DCAF8L2: variants seen among roughly 807,000 people sequenced by gnomAD.
The protein encoded by DCAF8L2 is DDB1- and CUL4-associated factor 8-like protein 2.
For synonymous variants in DCAF8L2, 200 were observed against 190.9 expected (o/e 1.05, Z -0.39); for missense variants, 430 against 490.7 (o/e 0.88, Z 1.17).
At chrX:27,564,602 T>C in the DCAF8L2 span, among the ~76,000 whole-genome samples, 1 of 110,222 alleles carries the variant, frequency 9.1e-6, no homozygotes, top group African/African-American at 3.3e-5. Flanking sequence ...GGGAGTCTAT[T>C]TGAATAGACC....
chrX:27,587,985 A>AAAAAAAAAATATAT, upstream of DCAF8L2, among the ~76,000 whole-genome samples: 5 of 22,369 alleles, frequency 2.2e-4, no homozygotes, highest in African/African-American at 4.9e-4. Context: ...TAAAAAAAAA[A>AAAAAAAAAATATAT]ATATATATAT....
the DCAF8L2 span, among the ~76,000 whole-genome samples, chrX:27,482,766 G>A: frequency 9.0e-5 from 9 of 100,181 alleles, no homozygotes; most frequent in East Asian, 2.8e-4. Flanking sequence ...ATAAATTCAC[G>A]TCATTTTCAC....
the DCAF8L2 span, chrX:27,518,208 C>T: frequency 1.1e-6 from 1 of 895,894 alleles, no homozygotes; most frequent in Non-Finnish European, 1.6e-6. Flanking sequence ...CCTATGCTGT[C>T]CAAGCCAAGT....
chrX:27,544,311 G>A, the DCAF8L2 span, among the ~76,000 whole-genome samples: 10 of 111,690 alleles, frequency 9.0e-5, no homozygotes, highest in Middle Eastern at 4.3e-3. Flanking sequence ...CTTATATTTT[G>A]TATGACTCTG....
chrX:27,700,032 G>A (rs1286599921), intron 3 of DCAF8L2, among the ~76,000 whole-genome samples: 1 of 109,889 alleles, frequency 9.1e-6, no homozygotes, highest in African/African-American at 3.3e-5. Context: ...GTCCAAAAAA[G>A]AAAAGAAAAG....
intron 1 of DCAF8L2, among the ~76,000 whole-genome samples, chrX:27,609,429 T>TA (rs1427824739): frequency 9.0e-6 from 1 of 111,642 alleles, no homozygotes; most frequent in African/African-American, 3.3e-5. Flanking sequence ...CTGATGATAA[T>TA]GGTCTATTCT....
At chrX:27,680,813 T>C (rs1269790973) in intron 3 of DCAF8L2, among the ~76,000 whole-genome samples, 1 of 112,351 alleles carries the variant, frequency 8.9e-6, no homozygotes, top group African/African-American at 3.2e-5. Context: ...GGAGATACAT[T>C]TGAGATCTTG....
intron 3 of DCAF8L2, among the ~76,000 whole-genome samples, chrX:27,705,378 C>T (rs1241118994): frequency 9.0e-6 from 1 of 111,543 alleles, no homozygotes; most frequent in African/African-American, 3.3e-5. Flanking sequence ...AACTGTTTTC[C>T]AAAGTGACTG....
At chrX:27,521,817 A>G in the DCAF8L2 span, among the ~76,000 whole-genome samples, 1 of 111,914 alleles carries the variant, frequency 8.9e-6, no homozygotes, top group Non-Finnish European at 1.9e-5. Flanking sequence ...AAAGGTATAT[A>G]TGTATATACT....
chrX:27,563,328 A>G, the DCAF8L2 span, among the ~76,000 whole-genome samples: 1 of 111,817 alleles, frequency 8.9e-6, no homozygotes, highest in Non-Finnish European at 1.9e-5. Flanking sequence ...ATTGTTTAAA[A>G]TGATTTTTTG....
the DCAF8L2 span, among the ~76,000 whole-genome samples, chrX:27,488,519 G>GTGTA: frequency 5.6e-5 from 3 of 53,400 alleles, no homozygotes; most frequent in Admixed American, 1.7e-4. Flanking sequence ...AATTACCTCT[G>GTGTA]TGTGTGTGTG....
chrX:27,612,226 C>A (rs760550702), intron 1 of DCAF8L2, among the ~76,000 whole-genome samples: 1 of 111,920 alleles, frequency 8.9e-6, no homozygotes, highest in Non-Finnish European at 1.9e-5. Context: ...TGTCTGTTGG[C>A]TGCATGTGTC....
At chrX:27,538,328 G>T in the DCAF8L2 span, among the ~76,000 whole-genome samples, 1 of 111,945 alleles carries the variant, frequency 8.9e-6, no homozygotes, top group Non-Finnish European at 1.9e-5. Flanking sequence ...AGATTATGTA[G>T]ATTATGCTGT....
chrX:27,585,303 T>C, the DCAF8L2 span, among the ~76,000 whole-genome samples: 4 of 111,787 alleles, frequency 3.6e-5, no homozygotes, highest in African/African-American at 1.3e-4. Flanking sequence ...CATATCACTC[T>C]TGTGAAATCA....
At chrX:27,504,301 A>G in the DCAF8L2 span, among the ~76,000 whole-genome samples, 1 of 112,016 alleles carries the variant, frequency 8.9e-6, no homozygotes, top group Non-Finnish European at 1.9e-5. Flanking sequence ...ATATTTGTTA[A>G]TGACAAATTC....
intron 3 of DCAF8L2, among the ~76,000 whole-genome samples, chrX:27,696,258 A>G (rs1045388103): frequency 1.1e-5 from 1 of 89,200 alleles, no homozygotes; most frequent in Non-Finnish European, 2.2e-5. Flanking sequence ...GGAAGGAAGG[A>G]AGAGAGAGAG....
chrX:27,511,996 A>T, the DCAF8L2 span, among the ~76,000 whole-genome samples: 1 of 112,151 alleles, frequency 8.9e-6, no homozygotes, highest in Non-Finnish European at 1.9e-5. Flanking sequence ...TAAAACATTG[A>T]TGAAAGAAAT....
intron 3 of DCAF8L2, among the ~76,000 whole-genome samples, chrX:27,715,252 T>C (rs1398716145): frequency 9.3e-6 from 1 of 107,977 alleles, no homozygotes; most frequent in East Asian, 2.9e-4. Flanking sequence ...ATTAGCTGGG[T>C]TGGTGGCAGG....
intron 2 of DCAF8L2, among the ~76,000 whole-genome samples, chrX:27,642,577 C>T (rs997306019): frequency 9.0e-6 from 1 of 110,937 alleles, no homozygotes; most frequent in Admixed American, 9.6e-5. Flanking sequence ...CACTGCAATT[C>T]TCTCTTTTCT....
Sources: allele counts gnomAD v4.1 joint callset (sites outside exome capture counted in the v4.1 genomes callset), GRCh38; gene constraint gnomAD v4.1.1; transcripts MANE v1.5; gene names NCBI Gene and HGNC (gene_info 2026-07-23, HGNC 2026-07-21).